The following ANO4 variants were observed in gnomAD, a reference collection of about 807,000 sequenced individuals.
ANO4 encodes the protein anoctamin-4.
ANO4 carries 69 observed loss-of-function variants against 141.9 expected under a neutral mutation model. The observed-to-expected ratio is 0.49, with a 90% CI of 0.40 to 0.59. The LOEUF (loss-of-function observed/expected upper bound fraction) is 0.59, where lower values mean the gene tolerates loss of function less well. Among genes scored for constraint, ANO4 ranks in the 20% least tolerant of loss-of-function variants. ANO4 has a pLI of 0.00. For synonymous variants in ANO4, 350 were observed against 394.3 expected, an observed-to-expected ratio of 0.89 and a Z score of 1.33; for missense variants, 894 against 1,162.2, an observed-to-expected ratio of 0.77 and a Z score of 3.36.
At chr12:100,807,839 G>A (rs1216000603) in intron 1 of ANO4, among the ~76,000 whole-genome samples, 1 of 152,132 alleles carries the variant, frequency 6.6e-6, no homozygotes, top group Non-Finnish European at 1.5e-5. Context: ...GTTTGCTGAG[G>A]ATAATGGCTT....
intron 14 of ANO4, among the ~76,000 whole-genome samples, chr12:101,052,063 CT>C (rs2047894369): frequency 6.6e-6 from 1 of 152,130 alleles, no homozygotes; most frequent in Non-Finnish European, 1.5e-5. Context: ...GTTTACAAGA[CT>C]TCTGAAGGGC....
intron 1 of ANO4, among the ~76,000 whole-genome samples, chr12:100,896,635 G>T (rs2040367527): frequency 6.6e-6 from 1 of 152,158 alleles, no homozygotes; most frequent in Admixed American, 6.5e-5. Flanking sequence ...TTGTTAAATT[G>T]GGCTTTGGGA....
chr12:100,909,685 G>A (rs573538860), intron 2 of ANO4, among the ~76,000 whole-genome samples: 1 of 152,238 alleles, frequency 6.6e-6, no homozygotes, highest in South Asian at 2.1e-4. Context: ...GAAGGAAGAG[G>A]CATGACCATT....
intron 3 of ANO4, among the ~76,000 whole-genome samples, chr12:100,757,254 T>C (rs1347851782): frequency 6.6e-6 from 1 of 152,200 alleles, no homozygotes; most frequent in Non-Finnish European, 1.5e-5. Context: ...GTTCAAAGCC[T>C]TGTCACCTTT....
intron 1 of ANO4, among the ~76,000 whole-genome samples, chr12:100,882,098 A>C (rs1372913561): frequency 3.9e-5 from 6 of 152,200 alleles, no homozygotes; most frequent in Non-Finnish European, 8.8e-5. Flanking sequence ...AAAATATCTA[A>C]TGTTTATTGA....
chr12:100,758,772 C>T (rs2032727624), intron 3 of ANO4, among the ~76,000 whole-genome samples: 1 of 152,184 alleles, frequency 6.6e-6, no homozygotes, highest in Non-Finnish European at 1.5e-5. Flanking sequence ...TGTCAACAGG[C>T]TCTGCTCTCT....
intron 3 of ANO4, among the ~76,000 whole-genome samples, chr12:100,928,650 T>C (rs567137225): frequency 2.2e-4 from 34 of 152,254 alleles, no homozygotes; most frequent in Non-Finnish European, 2.6e-4. Flanking sequence ...TCACTTTATG[T>C]TATGGAAAGG....
chr12:100,951,870 G>A (rs2042982768), intron 5 of ANO4, among the ~76,000 whole-genome samples: 1 of 152,274 alleles, frequency 6.6e-6, no homozygotes, highest in Non-Finnish European at 1.5e-5. Context: ...GTTGTAGAGG[G>A]CTATTCTGTG....
intron 1 of ANO4, among the ~76,000 whole-genome samples, chr12:100,877,356 A>ATT (rs1186795962): frequency 6.6e-6 from 1 of 150,792 alleles, no homozygotes; most frequent in African/African-American, 2.4e-5. Context: ...AATATATGAT[A>ATT]TTATATATAT....
At chr12:100,970,145 C>T (rs914871371) in intron 5 of ANO4, among the ~76,000 whole-genome samples, 1 of 152,204 alleles carries the variant, frequency 6.6e-6, no homozygotes, top group Admixed American at 6.5e-5. Context: ...ATTGCAATCT[C>T]ACATCTTTTG....
chr12:100,870,677 G>A (rs930593619), intron 1 of ANO4, among the ~76,000 whole-genome samples: 1 of 152,034 alleles, frequency 6.6e-6, no homozygotes, highest in Non-Finnish European at 1.5e-5. Context: ...TTATGGACTG[G>A]AGGACAATAA....
intron 8 of ANO4, among the ~76,000 whole-genome samples, chr12:100,997,117 C>T (rs898266817): frequency 2.0e-5 from 3 of 152,076 alleles, no homozygotes; most frequent in East Asian, 3.9e-4. Context: ...AGGCGGATCA[C>T]GAGGTCAGCA....
At chr12:100,897,352 G>T (rs1288180898) in intron 1 of ANO4, among the ~76,000 whole-genome samples, 1 of 152,164 alleles carries the variant, frequency 6.6e-6, no homozygotes, top group Non-Finnish European at 1.5e-5. Flanking sequence ...AGACAGTGAG[G>T]ATACAATAAA....
chr12:100,745,525 A>G (rs1396572405), intron 3 of ANO4, among the ~76,000 whole-genome samples: 3 of 152,188 alleles, frequency 2.0e-5, no homozygotes, highest in African/African-American at 4.8e-5. Context: ...TATGTTTTCT[A>G]TGACCATTGA....
chr12:100,817,577 T>G (rs937208988), intron 1 of ANO4, among the ~76,000 whole-genome samples: 1 of 151,944 alleles, frequency 6.6e-6, no homozygotes, highest in South Asian at 2.1e-4. Context: ...ATGGGAAAAC[T>G]TTATAGCCAC....
chr12:100,733,990 A>T (rs995762133), intron 2 of ANO4: 1 of 577,944 alleles, frequency 1.7e-6, no homozygotes, highest in African/African-American at 1.9e-5. Context: ...AATCAGAGCA[A>T]TTGCTTGTGG....
At chr12:100,772,794 C>A (rs935242620) in intron 3 of ANO4, among the ~76,000 whole-genome samples, 19 of 152,122 alleles carry the variant, frequency 1.2e-4, no homozygotes, top group Admixed American at 4.6e-4. Context: ...AATGGGTTTT[C>A]ATTAATTATT....
intron 1 of ANO4, among the ~76,000 whole-genome samples, chr12:100,814,968 G>T (rs562171770): frequency 3.3e-5 from 5 of 152,222 alleles, no homozygotes; most frequent in Admixed American, 2.0e-4. Context: ...GGACGAAGAT[G>T]TGTGAGATTT....
intron 14 of ANO4, among the ~76,000 whole-genome samples, chr12:101,054,969 T>TCA (rs2048049933): frequency 6.6e-6 from 1 of 152,248 alleles, no homozygotes. Flanking sequence ...CTGTTGAGAT[T>TCA]CATTTATGCT....
Sources: allele counts gnomAD v4.1 joint callset (sites outside exome capture counted in the v4.1 genomes callset), GRCh38; gene constraint gnomAD v4.1.1; transcripts MANE v1.5; gene names NCBI Gene and HGNC (gene_info 2026-07-23, HGNC 2026-07-21).